ADAMTSL1: variants seen among roughly 807,000 people sequenced by gnomAD.
The protein encoded by ADAMTSL1 is ADAMTS-like protein 1.
A neutral mutation model predicts 201.8 loss-of-function variants in ADAMTSL1; 126 were observed. The ratio of observed to expected loss-of-function variants is 0.62; its 90% CI spans 0.54 to 0.72. The LOEUF (loss-of-function observed/expected upper bound fraction) is 0.72, where lower values mean the gene tolerates loss of function less well. ADAMTSL1 is among the 30% of genes least tolerant of loss of function. The pLI is 0.00. For synonymous variants in ADAMTSL1, 1,121 were observed against 903.4 expected (o/e 1.24, Z -4.32); for missense variants, 2,679 against 2,277.8 (o/e 1.18, Z -3.59).
At chr9:18,211,118 A>C (rs569666003) in intron 2 of ADAMTSL1, among the ~76,000 whole-genome samples, 1 of 152,236 alleles carries the variant, frequency 6.6e-6, no homozygotes, top group African/African-American at 2.4e-5. Flanking sequence ...AATGGTCCCA[A>C]ATTTTTAAAC....
At chr9:18,640,615 G>GT (rs1188011502) in intron 7 of ADAMTSL1, among the ~76,000 whole-genome samples, 1 of 151,952 alleles carries the variant, frequency 6.6e-6, no homozygotes, top group East Asian at 1.9e-4. Flanking sequence ...CCCGACATGC[G>GT]TAAGTTTAAC....
intron 3 of ADAMTSL1, among the ~76,000 whole-genome samples, chr9:18,534,537 T>C (rs186006846): frequency 6.6e-6 from 1 of 152,324 alleles, no homozygotes; most frequent in South Asian, 2.1e-4. Flanking sequence ...ATTTAGGACT[T>C]TTGTACTTGC....
chr9:18,602,687 C>T (rs890917346), intron 4 of ADAMTSL1, among the ~76,000 whole-genome samples: 1 of 152,170 alleles, frequency 6.6e-6, no homozygotes, highest in Non-Finnish European at 1.5e-5. Flanking sequence ...CTTTTATTCT[C>T]CCTCTCAAAC....
At chr9:18,377,790 A>G (rs1837369146) in intron 2 of ADAMTSL1, among the ~76,000 whole-genome samples, 1 of 151,722 alleles carries the variant, frequency 6.6e-6, no homozygotes, top group Non-Finnish European at 1.5e-5. Flanking sequence ...CTGGTCTTGA[A>G]CTCCTGACCT....
chr9:18,044,683 C>G (rs545541596), intron 1 of ADAMTSL1, among the ~76,000 whole-genome samples: 2 of 152,140 alleles, frequency 1.3e-5, no homozygotes, highest in African/African-American at 4.8e-5. Flanking sequence ...ATTCAGTGAT[C>G]TCAGTTCTAA....
chr9:18,794,139 C>T lies in ADAMTSL1; in HGVS notation c.3678-1258C>T, dbSNP rs76179201. On this transcript the variant is annotated intron_variant, in intron 19 of 28. Transcript: ENST00000380548. ...TGGGAACCTACTCTACAGAGAGTCCCCTGTAGTAGTGGGGAAAATAAAAGC... is the reference window on the plus strand; with the variant it reads ...TGGGAACCTACTCTACAGAGAGTCCTCTGTAGTAGTGGGGAAAATAAAAGC... 1.3e-3 allele frequency among the ~76,000 whole-genome samples: 201 copies of T among 152,074 alleles called. 1 individual carries two copies. The highest frequency in any genetic ancestry group is 4.6e-3 in the African/African-American group (189 of 41,492).
intron 2 of ADAMTSL1, among the ~76,000 whole-genome samples, chr9:18,310,056 T>G (rs967584543): frequency 6.6e-6 from 1 of 152,126 alleles, no homozygotes. Context: ...ATCTGATCTT[T>G]AACAAACCTG....
At chr9:18,503,084 T>C (rs1822924871) in intron 1 of ADAMTSL1, among the ~76,000 whole-genome samples, 1 of 152,024 alleles carries the variant, frequency 6.6e-6, no homozygotes, top group Admixed American at 6.6e-5. Flanking sequence ...GTATATATAT[T>C]TATACACTGA....
At chr9:18,046,065 G>C (rs1821647032) in intron 1 of ADAMTSL1, among the ~76,000 whole-genome samples, 1 of 152,116 alleles carries the variant, frequency 6.6e-6, no homozygotes, top group Non-Finnish European at 1.5e-5. Context: ...GATATATTTT[G>C]TTCTTTTTTA....
chr9:18,126,465 T>A (rs1825732463), intron 1 of ADAMTSL1, among the ~76,000 whole-genome samples: 1 of 152,200 alleles, frequency 6.6e-6, no homozygotes, highest in Non-Finnish European at 1.5e-5. Context: ...TTTGGCGTTG[T>A]CTTTATCACA....
chr9:18,373,505 G>A (rs1400629300), intron 2 of ADAMTSL1, among the ~76,000 whole-genome samples: 2 of 151,890 alleles, frequency 1.3e-5, no homozygotes, highest in East Asian at 3.9e-4. Context: ...AGATTGGTTT[G>A]GCTCTGCCCT....
intron 3 of ADAMTSL1, among the ~76,000 whole-genome samples, chr9:18,562,685 T>A (rs1255008195): frequency 6.6e-6 from 1 of 152,178 alleles, no homozygotes; most frequent in Non-Finnish European, 1.5e-5. Flanking sequence ...TTCACATAGT[T>A]CCATATTTCT....
intron 15 of ADAMTSL1, among the ~76,000 whole-genome samples, chr9:18,731,300 G>A (rs762023124): frequency 4.6e-5 from 7 of 152,152 alleles, no homozygotes; most frequent in Non-Finnish European, 8.8e-5. Context: ...CTGTTCTCAC[G>A]TTGCTATAAA....
At chr9:18,208,616 A>G (rs116350351) in intron 2 of ADAMTSL1, among the ~76,000 whole-genome samples, 221 of 152,300 alleles carry the variant, frequency 1.5e-3, no homozygotes, top group African/African-American at 5.2e-3. Flanking sequence ...GTTAGGGGAT[A>G]TTATTATCCC....
chr9:18,454,626 C>A (rs1396897327), intron 2 of ADAMTSL1, among the ~76,000 whole-genome samples: 1 of 152,150 alleles, frequency 6.6e-6, no homozygotes, highest in African/African-American at 2.4e-5. Context: ...TTTTGTGCTA[C>A]CAGGTCAGGA....
At chr9:17,966,000 A>G (rs1272882958) in intron 1 of ADAMTSL1, among the ~76,000 whole-genome samples, 5 of 152,312 alleles carry the variant, frequency 3.3e-5, no homozygotes, top group Non-Finnish European at 5.9e-5. Context: ...AGTGAAATAA[A>G]GCAAACAAGC....
intron 14 of ADAMTSL1, 66 bp from the exon 15 acceptor site, chr9:18,721,470 C>T: frequency 6.3e-7 from 1 of 1,584,194 alleles, no homozygotes; most frequent in Non-Finnish European, 8.6e-7. Context: ...GCCTTGTCTA[C>T]ACTTCATCAC....
intron 1 of ADAMTSL1, among the ~76,000 whole-genome samples, chr9:18,484,343 T>C (rs570157597): frequency 1.3e-5 from 2 of 152,324 alleles, no homozygotes; most frequent in African/African-American, 4.8e-5. Flanking sequence ...TGTAACGGGG[T>C]TTCTGCCTAA....
At chr9:18,019,547 G>C (rs1820395510) in intron 1 of ADAMTSL1, among the ~76,000 whole-genome samples, 1 of 152,136 alleles carries the variant, frequency 6.6e-6, no homozygotes, top group East Asian at 1.9e-4. Flanking sequence ...TCTCTCAGTA[G>C]GGCCTCTAAG....
Sources: allele counts gnomAD v4.1 joint callset (sites outside exome capture counted in the v4.1 genomes callset), GRCh38; gene constraint gnomAD v4.1.1; transcripts MANE v1.5; gene names NCBI Gene and HGNC (gene_info 2026-07-23, HGNC 2026-07-21).